Variants in SYT11 observed in about 807,000 individuals in gnomAD.
The protein encoded by SYT11 is synaptotagmin-11.
A neutral mutation model predicts 30.4 loss-of-function variants in SYT11; 12 were observed. The observed-to-expected ratio is 0.39, with a 90% CI of 0.25 to 0.64. The LOEUF (loss-of-function observed/expected upper bound fraction) is 0.64, where lower values mean the gene tolerates loss of function less well. Ranked by LOEUF, SYT11 falls within the 30% of genes least tolerant of loss-of-function variation. The probability of loss-of-function intolerance (pLI) is 0.45; values close to 1 mark genes in which losing one functional copy is unlikely to be tolerated. For missense variants in SYT11, 412 were observed against 552.0 expected, an observed-to-expected ratio of 0.75 and a Z score of 2.54; for synonymous variants, 204 against 216.0, an observed-to-expected ratio of 0.94 and a Z score of 0.49.
rs539606956 is a variant in SYT11, at chr1:155,866,452, G to C, written c.35-1513G>C. ...TAGTTATTTGTTCATCCAACACATAGTGCCTGCTATGTGTTTTAAGTGCTG... is the reference window on the plus strand; with the variant it reads ...TAGTTATTTGTTCATCCAACACATACTGCCTGCTATGTGTTTTAAGTGCTG... On this transcript the variant is annotated intron_variant, in intron 1 of 3. Coordinates refer to ENST00000368324, the MANE Select transcript of SYT11 (RefSeq NM_152280.5). Among the ~76,000 whole-genome samples the C allele has an allele frequency of 7.9e-5, 12 of 152,334 alleles. No individual in the cohort carries two copies. The South Asian group carries it at 2.5e-3, about 32-fold the overall frequency.
At chr1:155,870,703 G>T (rs961745882) in intron 2 of SYT11, among the ~76,000 whole-genome samples, 1 of 152,210 alleles carries the variant, frequency 6.6e-6, no homozygotes, top group African/African-American at 2.4e-5. Context: ...CAGGAACAAG[G>T]TTTGCCTGCT....
At chr1:155,871,103 A>G (rs1438354456) in intron 2 of SYT11, among the ~76,000 whole-genome samples, 1 of 152,216 alleles carries the variant, frequency 6.6e-6, no homozygotes, top group African/African-American at 2.4e-5. Flanking sequence ...GAGCATAAAC[A>G]AGACACTGCC....
In SYT11 at chr1:155,871,787, A is replaced by G. The variant is rs537611370; in HGVS notation, c.861+2996A>G. ...CCAGCCTCCCAGGCTTCCTAAACCC[A>G]TTTTCCCAACCAGTGCCCGTAGGCA... On this transcript the variant is annotated intron_variant, in intron 2 of 3. Coordinates refer to ENST00000368324, the MANE Select transcript of SYT11 (RefSeq NM_152280.5). Among the ~76,000 whole-genome samples the G allele has an allele frequency of 1.1e-3, 172 of 151,872 alleles. 1 individual carries two copies. Among genetic ancestry groups the G allele is most frequent in the Non-Finnish European group, 1.1e-3 (72 of 67,936 alleles).
Position 155,872,070 on chromosome 1 carries a change from CAAAATAA to C in SYT11, c.861+3305_861+3311del, listed in dbSNP as rs547789944. Among the ~76,000 whole-genome samples, 655 of 151,174 alleles carry C rather than the reference CAAAATAA, an allele frequency of 4.3e-3. 5 individuals are homozygous for C. Among genetic ancestry groups the C allele is most frequent in the African/African-American group, 0.01 (424 of 41,136 alleles). On this transcript the variant is annotated intron_variant, in intron 2 of 3. Coordinates refer to ENST00000368324, the MANE Select transcript of SYT11 (RefSeq NM_152280.5). Reference sequence around the variant, plus strand: ...TGGATGACAGAAGGAGACCCTGTCTCAAAATAAAAAATAAAAAATAAAAAATAAAAAA... The same window carrying C: ...TGGATGACAGAAGGAGACCCTGTCTCAAAATAAAAAATAAAAAATAAAAAA...
At chr1:155,878,018 G>A (rs746727586) in intron 2 of SYT11, among the ~76,000 whole-genome samples, 4 of 152,070 alleles carry the variant, frequency 2.6e-5, no homozygotes, top group Non-Finnish European at 4.4e-5. Flanking sequence ...CAAGGTGGGC[G>A]GATTGCTTGA....
intron 2 of SYT11, among the ~76,000 whole-genome samples, chr1:155,872,835 A>G (rs1672801055): frequency 6.6e-6 from 1 of 152,178 alleles, no homozygotes; most frequent in East Asian, 1.9e-4. Flanking sequence ...AGACTTGGGC[A>G]TCACAAAGCG....
At chr1:155,877,476 T>C (rs1672883460) in intron 2 of SYT11, among the ~76,000 whole-genome samples, 1 of 151,736 alleles carries the variant, frequency 6.6e-6, no homozygotes, top group Non-Finnish European at 1.5e-5. Context: ...CACAGCTCAC[T>C]GCAGCTTCGA....
chr1:155,862,245 A>T (rs1210477969), intron 1 of SYT11, among the ~76,000 whole-genome samples: 1 of 152,244 alleles, frequency 6.6e-6, no homozygotes, highest in Admixed American at 6.5e-5. Flanking sequence ...AAAAGGAGCG[A>T]GAAGCACAGG....
chr1:155,866,524 G>C (rs1440594892), intron 1 of SYT11, among the ~76,000 whole-genome samples: 2 of 152,194 alleles, frequency 1.3e-5, no homozygotes, highest in African/African-American at 4.8e-5. Context: ...GTCCTCATGA[G>C]ACTTATATTC....
intron 1 of SYT11, among the ~76,000 whole-genome samples, chr1:155,864,508 G>T (rs1285383252): frequency 6.6e-6 from 1 of 152,116 alleles, no homozygotes; most frequent in Non-Finnish European, 1.5e-5. Context: ...CCATGGATTG[G>T]TTGGAGAGGA....
At chr1:155,875,293 A>G (rs1425812395) in intron 2 of SYT11, among the ~76,000 whole-genome samples, 1 of 151,934 alleles carries the variant, frequency 6.6e-6, no homozygotes, top group Non-Finnish European at 1.5e-5. Context: ...GTTATGGGTA[A>G]GGACAAAATG....
intron 2 of SYT11, among the ~76,000 whole-genome samples, chr1:155,877,602 G>A (rs919907315): frequency 4.0e-5 from 6 of 148,226 alleles, no homozygotes; most frequent in African/African-American, 1.5e-4. Flanking sequence ...TGCCCAGGCC[G>A]GAGTGCAGTG....
intron 2 of SYT11, among the ~76,000 whole-genome samples, chr1:155,869,263 CTTTTTTTTTTTT>C (rs767071892): frequency 6.0e-5 from 5 of 83,880 alleles, no homozygotes; most frequent in Non-Finnish European, 1.0e-4. Context: ...ATGTACATGT[CTTTTTTTTTTTT>C]TTTTTTTTTT....
At position 155,878,794 on chromosome 1, in the gene SYT11, G is replaced by A. The variant is rs1375913182; in HGVS notation, c.862-1706G>A. On this transcript the variant is annotated intron_variant, in intron 2 of 3. Coordinates refer to ENST00000368324, the MANE Select transcript of SYT11 (RefSeq NM_152280.5). ...AGGCAGGAGAATGGCATGAACCTGG[G>A]AGGCGGAGGTTGCAGTGAGCCGAGG... Among the ~76,000 whole-genome samples the A allele has an allele frequency of 3.3e-5, 5 of 152,198 alleles. No individual in the cohort carries two copies. In the East Asian group the frequency reaches 9.7e-4, roughly 29 times the overall value.
chr1:155,874,570 G>A (rs1427138921), intron 2 of SYT11, among the ~76,000 whole-genome samples: 1 of 143,904 alleles, frequency 6.9e-6, no homozygotes, highest in Non-Finnish European at 1.6e-5. Context: ...ACTCCAGCCT[G>A]GGCAAGAGAG....
chr1:155,864,005 G>A (rs2102554336), intron 1 of SYT11, among the ~76,000 whole-genome samples: 1 of 152,000 alleles, frequency 6.6e-6, no homozygotes, highest in East Asian at 1.9e-4. Context: ...CATTTGAACT[G>A]GGGAGGTCAA....
rs1220263319 is a variant in SYT11, at chr1:155,867,967, G to A, written c.37G>A (p.Val13Met). 1 of 1,605,880 alleles carries A rather than the reference G, an allele frequency of 6.2e-7. No homozygotes were observed. The highest frequency in any genetic ancestry group is 8.5e-7 in the Non-Finnish European group (1 of 1,176,684). ...ACATCTCTGATCTCCGCCTTCAGAT[G>A]TGTCACCGGTGGTGGCCGGCCTCAT... Reference protein sequence around the residue: ...EITNIRPSFDVSPVVAGLIGA... With the variant: ...EITNIRPSFDMSPVVAGLIGA... The change falls in exon 2 of 4, where the codon GTG (valine) becomes ATG (methionine). Residue 13 changes from valine to methionine, a missense_variant and splice_region_variant. By Grantham distance (21) the Val-to-Met change is conservative (BLOSUM62 1). Transcript: ENST00000368324.
Position 155,881,537 on chromosome 1 carries a change from G to C in SYT11, c.*29G>C. The C allele has an allele frequency of 6.4e-7, 1 of 1,553,454 alleles. No homozygotes were observed. Among genetic ancestry groups the C allele is most frequent in the Non-Finnish European group, 8.7e-7 (1 of 1,143,998 alleles). ...TGTTCTTCTCTCCTCTAATCCCCGG[G>C]GGCCAAGCTGGGGAGGGATGTGGAG... is the stretch of plus-strand genomic sequence containing the variant. On this transcript the variant is annotated 3_prime_UTR_variant, in exon 4 of 4. Coordinates refer to ENST00000368324, the MANE Select transcript of SYT11 (RefSeq NM_152280.5).
chr1:155,869,503 C>T (rs1672749124), intron 2 of SYT11, among the ~76,000 whole-genome samples: 1 of 152,116 alleles, frequency 6.6e-6, no homozygotes, highest in Non-Finnish European at 1.5e-5. Context: ...AACTTCTATC[C>T]TCAGGTGATC....
Sources: gnomAD v4.1 joint callset for allele counts (sites outside exome capture counted in the v4.1 genomes callset) on GRCh38, gnomAD v4.1.1 for gene constraint, MANE v1.5 for transcripts, NCBI Gene and HGNC (gene_info 2026-07-23, HGNC 2026-07-21) for gene names.